Variants in TMEM135 observed in about 807,000 individuals in gnomAD.
The protein encoded by TMEM135 is transmembrane protein 135.
Under a neutral mutation model 60.3 loss-of-function variants are expected in TMEM135, and 30 were observed. That is an observed-to-expected ratio of 0.50 (90% confidence interval 0.37 to 0.68). The LOEUF (loss-of-function observed/expected upper bound fraction) is 0.68. Ranked by LOEUF, TMEM135 falls within the 30% of genes least tolerant of loss-of-function variation. The pLI is 0.00. For synonymous variants in TMEM135, 190 were observed against 186.7 expected (o/e 1.02, Z -0.14); for missense variants, 468 against 548.8 (o/e 0.85, Z 1.47).
At chr11:87,165,651 C>G (rs1027679932) in intron 5 of TMEM135, among the ~76,000 whole-genome samples, 2 of 151,226 alleles carry the variant, frequency 1.3e-5, no homozygotes, top group African/African-American at 2.5e-5. Flanking sequence ...TAGAATTCAG[C>G]TGTGAATCCA....
At chr11:87,288,554 CT>C (rs1395814159) in intron 6 of TMEM135, among the ~76,000 whole-genome samples, 1 of 151,782 alleles carries the variant, frequency 6.6e-6, no homozygotes. Context: ...AGAATTCATT[CT>C]GTTTTTCCAT....
chr11:87,098,142 A>T (rs1007673324), intron 4 of TMEM135, among the ~76,000 whole-genome samples: 5 of 147,986 alleles, frequency 3.4e-5, no homozygotes, highest in African/African-American at 7.5e-5. Flanking sequence ...GAGGTTGCAA[A>T]TTTTTTTTTT....
chr11:87,314,401 C>T (rs1178582418), intron 11 of TMEM135, 70 bp from the exon 12 acceptor site: 4 of 1,326,346 alleles, frequency 3.0e-6, no homozygotes, highest in African/African-American at 1.4e-5. Context: ...AGTGAATTAA[C>T]ATTTCTGATG....
At chr11:87,316,727 A>C (rs1438633709) in intron 12 of TMEM135, among the ~76,000 whole-genome samples, 2 of 152,002 alleles carry the variant, frequency 1.3e-5, no homozygotes, top group Non-Finnish European at 2.9e-5. Flanking sequence ...ACAAGAGGAA[A>C]CCAATATTGA....
Position 87,060,938 on chromosome 11 carries a change from G to A in TMEM135, c.142-6756G>A, listed in dbSNP as rs141353092. Among the ~76,000 whole-genome samples the A allele has an allele frequency of 2.3e-4, 35 of 152,050 alleles. No individual in the cohort carries two copies. In the East Asian group the frequency reaches 2.9e-3, roughly 13 times the overall value. On this transcript the variant is annotated intron_variant, in intron 1 of 14. Coordinates refer to ENST00000305494, the MANE Select transcript of TMEM135 (RefSeq NM_022918.4). ...ATTACAGGTGTGAGCCACCGCACCCGGCCTGTCCTTTTTCTTATCTCTAAA... is the reference window on the plus strand; with the variant it reads ...ATTACAGGTGTGAGCCACCGCACCCAGCCTGTCCTTTTTCTTATCTCTAAA...
intron 2 of TMEM135, among the ~76,000 whole-genome samples, chr11:87,069,822 A>G (rs2513237): frequency 0.46 from 69,809 of 151,924 alleles, 16,957 homozygotes; most frequent in East Asian, 0.64. Flanking sequence ...AAAAATACCC[A>G]AGTTACATGT....
chr11:87,070,384 C>T (rs1968742), intron 2 of TMEM135, among the ~76,000 whole-genome samples: 48,562 of 151,834 alleles, frequency 0.32, 9,092 homozygotes, highest in East Asian at 0.59. Flanking sequence ...TTGGCTCACG[C>T]CTGTAATCCC....
intron 9 of TMEM135, among the ~76,000 whole-genome samples, chr11:87,306,311 A>G (rs1394581120): frequency 1.3e-5 from 2 of 152,200 alleles, no homozygotes; most frequent in African/African-American, 4.8e-5. Context: ...TAAAATTTGT[A>G]CTTTGTAATG....
At chr11:87,120,639 TG>T (rs1858031193) in intron 4 of TMEM135, among the ~76,000 whole-genome samples, 1 of 151,952 alleles carries the variant, frequency 6.6e-6, no homozygotes, top group South Asian at 2.1e-4. Flanking sequence ...AGATAATTTT[TG>T]TATTTTTGGT....
chr11:87,127,505 G>A lies in TMEM135; in HGVS notation c.397-29836G>A, dbSNP rs111683319. On this transcript the variant is annotated intron_variant, in intron 4 of 14. Transcript: ENST00000305494. ...CTTTCTCCCATTCTAAGTTATGTGT[G>A]GAATTGAACTTGTATGATACTCTGA... Among the ~76,000 whole-genome samples the A allele has an allele frequency of 2.5e-3, 374 of 152,190 alleles. 3 individuals carry two copies. The highest frequency in any genetic ancestry group is 8.7e-3 in the African/African-American group (360 of 41,542).
intron 4 of TMEM135, among the ~76,000 whole-genome samples, chr11:87,093,019 A>G (rs972441182): frequency 6.6e-6 from 1 of 152,044 alleles, no homozygotes; most frequent in Non-Finnish European, 1.5e-5. Context: ...CCCTCTTTGA[A>G]TCTTGCTTCT....
rs1320916711 is a variant in TMEM135 at position 87,326,806 on chromosome 11, G to C, written c.*5473G>C. ...ATCTGAATCTGAGTCGGCAGTTTTT[G>C]ATAGCCTGTCACTGCTCAGGGATAG... On this transcript the variant is annotated 3_prime_UTR_variant, in exon 15 of 15. Transcript: ENST00000305494. 2 of 445,788 alleles carry C rather than the reference G, an allele frequency of 4.5e-6. No homozygotes were observed. Among genetic ancestry groups the C allele is most frequent in the Non-Finnish European group, 8.9e-6 (2 of 224,878 alleles). The allele number at this position is 445,788 out of a possible 1,614,324, so 27.6% of individuals were successfully genotyped here.
intron 1 of TMEM135, among the ~76,000 whole-genome samples, chr11:87,054,835 C>T (rs1949877538): frequency 6.6e-6 from 1 of 152,044 alleles, no homozygotes; most frequent in Non-Finnish European, 1.5e-5. Flanking sequence ...CTCTCAAGCA[C>T]AGGAGGCACT....
chr11:87,098,172 T>G (rs2135178970), intron 4 of TMEM135, among the ~76,000 whole-genome samples: 1 of 152,018 alleles, frequency 6.6e-6, no homozygotes, highest in East Asian at 1.9e-4. Flanking sequence ...AAATCAGACC[T>G]TGGCGATGAC....
rs188625013 is a variant in TMEM135 at position 87,236,177 on chromosome 11, T to C, written c.463-461T>C. 7.9e-5 allele frequency among the ~76,000 whole-genome samples: 12 copies of C among 151,990 alleles called. No individual in the cohort carries two copies. The East Asian group carries it at 2.3e-3, about 29-fold the overall frequency. Reference sequence around the variant, plus strand: ...CTGTTACCCTTCTATCCCGTCTATATATGTATGTATTATATATAATTATAT... The same window carrying C: ...CTGTTACCCTTCTATCCCGTCTATACATGTATGTATTATATATAATTATAT... On this transcript the variant is annotated intron_variant, in intron 5 of 14. Transcript: ENST00000305494.
intron 4 of TMEM135, among the ~76,000 whole-genome samples, chr11:87,105,620 C>T (rs1378761153): frequency 6.6e-6 from 1 of 152,118 alleles, no homozygotes; most frequent in Non-Finnish European, 1.5e-5. Context: ...AGTAAAAACA[C>T]TTAAATGGAT....
intron 4 of TMEM135, among the ~76,000 whole-genome samples, chr11:87,110,772 ATGTGTG>A (rs113927464): frequency 8.9e-5 from 5 of 56,076 alleles, no homozygotes; most frequent in East Asian, 1.5e-3. Flanking sequence ...GTGTGTGTGT[ATGTGTG>A]TGTGTGTGTG....
intron 1 of TMEM135, among the ~76,000 whole-genome samples, chr11:87,047,406 G>A (rs916529309): frequency 1.3e-5 from 2 of 151,456 alleles, no homozygotes; most frequent in African/African-American, 2.4e-5. Flanking sequence ...CTGAGGTACC[G>A]GGTTCATCTC....
chr11:87,259,946 T>C (rs1256421879), intron 6 of TMEM135, among the ~76,000 whole-genome samples: 1 of 152,206 alleles, frequency 6.6e-6, no homozygotes, highest in African/African-American at 2.4e-5. Context: ...GCTGGCTGTT[T>C]ATCATGTTCC....
Sources: allele counts gnomAD v4.1 joint callset (sites outside exome capture counted in the v4.1 genomes callset), GRCh38; gene constraint gnomAD v4.1.1; transcripts MANE v1.5; gene names NCBI Gene and HGNC (gene_info 2026-07-23, HGNC 2026-07-21).